Variants in PABPC4L observed in about 807,000 individuals in gnomAD.
PABPC4L encodes the protein poly(A) binding protein cytoplasmic 4 like.
For synonymous variants in PABPC4L, 169 were observed against 164.1 expected, an observed-to-expected ratio of 1.03 and a Z score of -0.23; for missense variants, 452 against 451.4, an observed-to-expected ratio of 1.00 and a Z score of -0.01.
At chr4:134,155,834 C>T in the PABPC4L span, among the ~76,000 whole-genome samples, 8 of 151,974 alleles carry the variant, frequency 5.3e-5, no homozygotes, top group African/African-American at 1.9e-4. Flanking sequence ...TAATTGTACA[C>T]TATGTTATTC....
the PABPC4L span, among the ~76,000 whole-genome samples, chr4:134,083,916 T>C: frequency 1.6e-3 from 240 of 152,276 alleles, no homozygotes; most frequent in Non-Finnish European, 2.5e-3. Flanking sequence ...CATTCTAAAT[T>C]TATTCATGTA....
chr4:134,159,942 A>T, the PABPC4L span, among the ~76,000 whole-genome samples: 1 of 152,298 alleles, frequency 6.6e-6, no homozygotes, highest in South Asian at 2.1e-4. Flanking sequence ...CCGACACAGT[A>T]AAATAAATCA....
At chr4:134,166,632 G>A in the PABPC4L span, among the ~76,000 whole-genome samples, 3 of 152,172 alleles carry the variant, frequency 2.0e-5, no homozygotes, top group Admixed American at 6.5e-5. Context: ...GGCGGCAGAT[G>A]TAACAGAGCT....
chr4:134,201,257 CAA>C lies in PABPC4L; in HGVS notation c.-226-14_-226-13del. 3.3e-6 allele frequency: 5 copies of C among 1,510,512 alleles called. No homozygotes were observed. The highest frequency in any genetic ancestry group is 2.1e-5 in the Admixed American group (1 of 47,988). 93.6% of individuals were successfully genotyped at this position (1,510,512 alleles called of 1,614,324 possible). A position where few individuals can be genotyped will look rare whatever the true frequency, so the allele number is the denominator to read the frequency against. ...ACGCGGCAACAGAACTGTGAAATCG[CAA>C]AGAGAGATTATTAGGACAAGACGTT... is the stretch of plus-strand genomic sequence containing the variant. On this transcript the variant is annotated splice_polypyrimidine_tract_variant and intron_variant, in intron 1 of 1. Transcript: ENST00000421491.
the PABPC4L span, among the ~76,000 whole-genome samples, chr4:133,973,371 G>GA: frequency 0.34 from 49,488 of 143,970 alleles, 8,488 homozygotes; most frequent in Admixed American, 0.47. Flanking sequence ...AAGAGCATAG[G>GA]AAAAAAAAAA....
the PABPC4L span, among the ~76,000 whole-genome samples, chr4:134,129,079 C>T: frequency 3.3e-5 from 5 of 152,036 alleles, no homozygotes; most frequent in East Asian, 5.8e-4. Context: ...AAGGACAAAA[C>T]GGACATTATA....
At chr4:134,147,749 G>GGTGT in the PABPC4L span, among the ~76,000 whole-genome samples, 3 of 148,938 alleles carry the variant, frequency 2.0e-5, no homozygotes, top group Non-Finnish European at 4.4e-5. Context: ...GTGTGTGTGT[G>GGTGT]TGTTGTTGTT....
the PABPC4L span, among the ~76,000 whole-genome samples, chr4:134,013,757 TC>T: frequency 6.6e-6 from 1 of 151,956 alleles, no homozygotes; most frequent in Non-Finnish European, 1.5e-5. Context: ...GTCCCCTCAG[TC>T]CCAACCCCAA....
the PABPC4L span, among the ~76,000 whole-genome samples, chr4:134,056,413 A>G: frequency 6.6e-6 from 1 of 151,972 alleles, no homozygotes; most frequent in Non-Finnish European, 1.5e-5. Flanking sequence ...TTAAATCTGT[A>G]TATCAATTTG....
At chr4:134,135,240 G>T in the PABPC4L span, among the ~76,000 whole-genome samples, 1 of 151,894 alleles carries the variant, frequency 6.6e-6, no homozygotes. Flanking sequence ...GATTTTAAGG[G>T]GTAAGTGAGC....
the PABPC4L span, among the ~76,000 whole-genome samples, chr4:133,979,051 A>G: frequency 6.6e-6 from 1 of 152,298 alleles, no homozygotes; most frequent in Non-Finnish European, 1.5e-5. Flanking sequence ...TATAATTATA[A>G]TTAAAAACAT....
At chr4:133,960,751 T>C in the PABPC4L span, among the ~76,000 whole-genome samples, 1 of 152,116 alleles carries the variant, frequency 6.6e-6, no homozygotes, top group Non-Finnish European at 1.5e-5. Flanking sequence ...GACTGGCTCT[T>C]CAGATTGCAT....
At chr4:133,961,983 G>A in the PABPC4L span, among the ~76,000 whole-genome samples, 1 of 152,162 alleles carries the variant, frequency 6.6e-6, no homozygotes, top group African/African-American at 2.4e-5. Context: ...AGAACAAGGG[G>A]CTTGCCGCCA....
chr4:134,099,106 C>T, the PABPC4L span, among the ~76,000 whole-genome samples: 1 of 151,656 alleles, frequency 6.6e-6, no homozygotes, highest in Admixed American at 6.6e-5. Flanking sequence ...CATTTATTCA[C>T]AATCCGATTT....
At chr4:134,120,259 G>C in the PABPC4L span, among the ~76,000 whole-genome samples, 1 of 78,152 alleles carries the variant, frequency 1.3e-5, no homozygotes, top group East Asian at 2.2e-3. Context: ...TTTGTTCTTT[G>C]GTTTTTTTTT....
chr4:134,109,751 A>ATT, the PABPC4L span, among the ~76,000 whole-genome samples: 1 of 146,680 alleles, frequency 6.8e-6, no homozygotes, highest in Non-Finnish European at 1.5e-5. Context: ...TTTCTAGATC[A>ATT]TTTTTTTTTT....
At chr4:133,973,700 C>T in the PABPC4L span, among the ~76,000 whole-genome samples, 1 of 152,124 alleles carries the variant, frequency 6.6e-6, no homozygotes. Context: ...GAAAACACCA[C>T]TCAGTTTATC....
At chr4:133,994,977 T>C in the PABPC4L span, among the ~76,000 whole-genome samples, 5 of 152,152 alleles carry the variant, frequency 3.3e-5, no homozygotes, top group Admixed American at 6.5e-5. Flanking sequence ...CTTTAAGGAC[T>C]AATTTTTTGG....
At chr4:134,050,508 C>A in the PABPC4L span, among the ~76,000 whole-genome samples, 4 of 151,912 alleles carry the variant, frequency 2.6e-5, no homozygotes, top group Non-Finnish European at 5.9e-5. Flanking sequence ...AGTTCAAGAT[C>A]AGCCTGGCCA....
Sources: gnomAD v4.1 joint callset for allele counts (sites outside exome capture counted in the v4.1 genomes callset) on GRCh38, gnomAD v4.1.1 for gene constraint, MANE v1.5 for transcripts, NCBI Gene and HGNC (gene_info 2026-07-23, HGNC 2026-07-21) for gene names.